The following ZNF350 variants were observed in gnomAD, a reference collection of about 807,000 sequenced individuals.
ZNF350 encodes KRAB zinc finger protein ZFQR.
In ZNF350, 5 loss-of-function variants were observed where a neutral mutation model predicts 13.1. The observed-to-expected ratio is 0.38, with a 90% CI of 0.20 to 0.80. ZNF350 has a LOEUF of 0.80. ZNF350 is among the 30% of genes least tolerant of loss of function. ZNF350 has a pLI of 0.43. For synonymous variants in ZNF350, 199 were observed against 224.2 expected, an observed-to-expected ratio of 0.89 and a Z score of 1.00; for missense variants, 534 against 644.2, an observed-to-expected ratio of 0.83 and a Z score of 1.85.
At position 51,965,928 on chromosome 19, in the gene ZNF350, T is replaced by G. The variant is rs1171716479; in HGVS notation, c.525A>C (p.Ala175=). 1.2e-6 allele frequency: 2 copies of G among 1,613,958 alleles called. No individual in the cohort carries two copies. Among genetic ancestry groups the G allele is most frequent in the African/African-American group, 2.7e-5 (2 of 74,932 alleles). The change falls in exon 5 of 5, where the codon GCA becomes GCC. Residue 175 remains alanine (A), a synonymous_variant. Transcript: ENST00000243644. ...LHANHERLHT[A]IKFPASQKLI... is the part of the protein sequence containing the mutation. ...GTTTTTGACTTGCAGGGAATTTAAT[T>G]GCAGTATGAAGTCGTTCATGGTTAG...
At chr19:51,973,316 T>C (rs1290189728) in intron 2 of ZNF350, 1 of 152,162 alleles carries the variant, frequency 6.6e-6, no homozygotes, top group Non-Finnish European at 1.5e-5. Context: ...ATGTGGCTGA[T>C]CTTAGGTCCA....
chr19:51,982,926 G>A (rs563253641), intron 1 of ZNF350, among the ~76,000 whole-genome samples: 8 of 152,314 alleles, frequency 5.3e-5, no homozygotes, highest in East Asian at 1.9e-4. Flanking sequence ...CGTGGCTCAC[G>A]CCTGTAATCC....
At position 51,969,033 on chromosome 19, in the gene ZNF350, C is replaced by T; in HGVS notation, c.114G>A (p.Leu38=). 1 of 1,614,088 alleles carries T rather than the reference C, an allele frequency of 6.2e-7. No homozygotes were observed. ...CTGCCACCAGGTTGCTGTAGTTCTC[C>T]AACATCACATCCCGGTACAGGTCCT... ...AQKDLYRDVM[L]ENYSNLVAVG... Residue 38 remains leucine (L), a synonymous_variant, in exon 3 of 5, where the codon TTG becomes TTA. Coordinates refer to ENST00000243644, the MANE Select transcript of ZNF350 (RefSeq NM_021632.4).
intron 4 of ZNF350, among the ~76,000 whole-genome samples, chr19:51,966,590 C>T (rs922515238): frequency 2.1e-5 from 3 of 141,122 alleles, no homozygotes; most frequent in Non-Finnish European, 4.6e-5. Context: ...CTCACTCTGT[C>T]GCCCAGGCTG....
chr19:51,985,296 C>T (rs1033904930), intron 1 of ZNF350, among the ~76,000 whole-genome samples: 2 of 152,134 alleles, frequency 1.3e-5, no homozygotes, highest in African/African-American at 4.8e-5. Context: ...TCCACTAACA[C>T]CCTATTTTCC....
At position 51,965,032 on chromosome 19, in the gene ZNF350, T is replaced by C. The variant is rs763867935; in HGVS notation, c.1421A>G (p.Asn474Ser). The C allele has an allele frequency of 6.2e-7, 1 of 1,614,144 alleles. No individual in the cohort carries two copies. Among genetic ancestry groups the C allele is most frequent in the African/African-American group, 1.3e-5 (1 of 75,020 alleles). Residue 474 changes from asparagine (N) to serine (S), a missense_variant, in exon 5 of 5, where the codon AAC (asparagine) becomes AGC (serine). Asn to Ser is a conservative substitution (Grantham distance 46). Coordinates refer to ENST00000243644, the MANE Select transcript of ZNF350 (RefSeq NM_021632.4). ...VPSVAPQTSL[N>S]ISGLLANRNV... is the part of the protein sequence containing the mutation. ...CCTGTTTGCGAGGAGGCCGCTGATG[T>C]TTAATGATGTCTGAGGGGCCACAGA... is the stretch of plus-strand genomic sequence containing the variant.
At chr19:51,972,293 T>TAAAAAAAA (rs748068937) in intron 2 of ZNF350, among the ~76,000 whole-genome samples, 1 of 106,226 alleles carries the variant, frequency 9.4e-6, no homozygotes, top group Admixed American at 9.7e-5. Context: ...CCATCTCAAT[T>TAAAAAAAA]AAAAAAAAAA....
intron 4 of ZNF350, 59 bp from the exon 5 acceptor site, chr19:51,966,273 G>C: frequency 6.9e-7 from 1 of 1,457,684 alleles, no homozygotes; most frequent in Non-Finnish European, 9.1e-7. Context: ...GTTTGTTGTG[G>C]TTTTTTTGTT....
rs145508190 is a variant in ZNF350, at chr19:51,965,525, G to A, written c.928C>T (p.Arg310Ter). The A allele has an allele frequency of 5.6e-6, 9 of 1,613,878 alleles. No individual in the cohort carries two copies. The highest frequency in any genetic ancestry group is 4.5e-5 in the East Asian group (2 of 44,884). The change falls in exon 5 of 5, where the codon CGA becomes TGA. Residue 310 changes from arginine to a stop codon, truncating the protein, a stop_gained. Coordinates refer to ENST00000243644, the MANE Select transcript of ZNF350 (RefSeq NM_021632.4). LOFTEE classifies it low-confidence loss of function (END_TRUNC). The part of the protein sequence containing the change: ...IQKGNLIVHQ[R>*]IHTGEKPYIC... Reference sequence around the variant, plus strand: ...TAAGGTTTCTCACCTGTATGAATTCGCTGGTGTACAATGAGATTTCCTTTC... The same window carrying A: ...TAAGGTTTCTCACCTGTATGAATTCACTGGTGTACAATGAGATTTCCTTTC...
intron 1 of ZNF350, among the ~76,000 whole-genome samples, chr19:51,985,833 C>T (rs1291509549): frequency 1.3e-5 from 2 of 151,952 alleles, no homozygotes; most frequent in Admixed American, 6.6e-5. Flanking sequence ...GTGGTAAAAC[C>T]CTGTCTCTAC....
At chr19:51,968,311 C>T (rs2278416) in intron 4 of ZNF350, among the ~76,000 whole-genome samples, 35,818 of 151,998 alleles carry the variant, frequency 0.24, 5,008 homozygotes, top group African/African-American at 0.38. Context: ...AAGGGAAATA[C>T]TTGAAACCCG....
chr19:51,975,445 A>AAC (rs1555765220), intron 1 of ZNF350, among the ~76,000 whole-genome samples: 220 of 151,516 alleles, frequency 1.5e-3, no homozygotes, highest in African/African-American at 3.7e-3. Context: ...AAAAAAAAAA[A>AAC]AAAAAAACTA....
chr19:51,981,990 A>G (rs2086056929), intron 1 of ZNF350: 1 of 152,190 alleles, frequency 6.6e-6, no homozygotes, highest in Non-Finnish European at 1.5e-5. Flanking sequence ...AGGTCTAGAG[A>G]GGCATTAAAA....
chr19:51,983,547 G>C (rs1178540084), intron 1 of ZNF350, among the ~76,000 whole-genome samples: 1 of 152,206 alleles, frequency 6.6e-6, no homozygotes, highest in Non-Finnish European at 1.5e-5. Context: ...AACTAAAGGT[G>C]AGACATACTG....
intron 4 of ZNF350, among the ~76,000 whole-genome samples, chr19:51,966,892 C>T (rs2122872443): frequency 6.6e-6 from 1 of 152,222 alleles, no homozygotes; most frequent in East Asian, 1.9e-4. Flanking sequence ...GGTGATCTGC[C>T]CGCTTCAGTC....
intron 2 of ZNF350, among the ~76,000 whole-genome samples, chr19:51,970,058 A>ATTT: frequency 1.7e-5 from 2 of 117,350 alleles, no homozygotes; most frequent in Non-Finnish European, 3.3e-5. Flanking sequence ...ACGCCTGGCT[A>ATTT]ATTTTTTTTT....
At position 51,964,888 on chromosome 19, in the gene ZNF350, T is replaced by C. The variant is rs747428442; in HGVS notation, c.1565A>G (p.Asn522Ser). The change falls in exon 5 of 5, where the codon AAT becomes AGT. Residue 522 changes from asparagine to serine, a missense_variant. Transcript: ENST00000243644. ...TTCTGTAACATAAAATAAGACATAA[T>C]TGATCACGGAAGGCACAACCACATT... ...AVNVVVPSVI[N>S]YVLFYVTENP 1.2e-6 allele frequency: 2 copies of C among 1,612,850 alleles called. No individual in the cohort carries two copies. The highest frequency in any genetic ancestry group is 1.7e-6 in the Non-Finnish European group (2 of 1,178,956).
At chr19:51,983,233 G>A (rs1249974530) in intron 1 of ZNF350, among the ~76,000 whole-genome samples, 2 of 152,178 alleles carry the variant, frequency 1.3e-5, no homozygotes, top group Non-Finnish European at 2.9e-5. Context: ...CAAGTACCCA[G>A]GGACACAATG....
Position 51,965,257 on chromosome 19 carries a change from T to C in ZNF350, c.1196A>G (p.Glu399Gly), listed in dbSNP as rs772739547. The stretch of plus-strand genomic sequence containing the variant: ...ACACTCGTTACAGCCATAGGGTCTC[T>C]CTCCTGTATGAGTCCTTTGATGGAC... ...LIVHQRTHTG[E>G]RPYGCNECGK... Residue 399 changes from glutamate (E) to glycine (G), a missense_variant, in exon 5 of 5, where the codon GAG (glutamate) becomes GGG (glycine). By Grantham distance (98) the Glu-to-Gly change is moderately conservative (BLOSUM62 -2). Coordinates refer to ENST00000243644, the MANE Select transcript of ZNF350 (RefSeq NM_021632.4). 3 of 1,614,084 alleles carry C rather than the reference T, an allele frequency of 1.9e-6. No homozygotes were observed. Among genetic ancestry groups the C allele is most frequent in the Non-Finnish European group, 2.5e-6 (3 of 1,180,034 alleles).
Sources: gnomAD v4.1 joint callset for allele counts (sites outside exome capture counted in the v4.1 genomes callset) on GRCh38, gnomAD v4.1.1 for gene constraint, MANE v1.5 for transcripts, NCBI Gene and HGNC (gene_info 2026-07-23, HGNC 2026-07-21) for gene names.